IDO2: variants seen among roughly 807,000 people sequenced by gnomAD.
IDO2 encodes indoleamine 2,3-dioxygenase-like 1 protein.
In IDO2, 46 loss-of-function variants were observed where a neutral mutation model predicts 45.1. The observed-to-expected ratio is 1.02, with a 90% CI of 0.80 to 1.30. The LOEUF (loss-of-function observed/expected upper bound fraction) is 1.30, where lower values mean the gene tolerates loss of function less well. Ranked by LOEUF, IDO2 falls within the 50% of genes most tolerant of loss-of-function variation. The pLI is 0.00. For missense variants in IDO2, 544 were observed against 491.8 expected (o/e 1.11, Z -1.00); for synonymous variants, 218 against 184.9 (o/e 1.18, Z -1.45).
chr8:39,958,689 G>A (rs575653313), intron 2 of IDO2, among the ~76,000 whole-genome samples: 155 of 152,290 alleles, frequency 1.0e-3, no homozygotes, highest in African/African-American at 3.5e-3. Flanking sequence ...GACCTCAAGT[G>A]ATCTGCCCAT....
intron 7 of IDO2, among the ~76,000 whole-genome samples, chr8:39,989,183 C>A (rs1344232754): frequency 6.6e-6 from 1 of 152,026 alleles, no homozygotes; most frequent in Non-Finnish European, 1.5e-5. Flanking sequence ...GGGGGAGCTG[C>A]CAAACACTTT....
At chr8:39,972,536 G>A (rs1369816169) in intron 3 of IDO2, among the ~76,000 whole-genome samples, 1 of 149,714 alleles carries the variant, frequency 6.7e-6, no homozygotes, top group Non-Finnish European at 1.5e-5. Flanking sequence ...CTTTAACCTG[G>A]GAGGCAGAGG....
chr8:40,011,926 A>G (rs1802315647), intron 9 of IDO2, among the ~76,000 whole-genome samples: 1 of 152,084 alleles, frequency 6.6e-6, no homozygotes, highest in African/African-American at 2.4e-5. Context: ...TCCTCTTCCC[A>G]CCATTCCCCT....
intron 2 of IDO2, among the ~76,000 whole-genome samples, chr8:39,960,338 G>C: frequency 6.6e-6 from 1 of 152,094 alleles, no homozygotes; most frequent in African/African-American, 2.4e-5. Context: ...TTCTACTGCT[G>C]CAAGGACAGA....
At chr8:39,978,580 G>C (rs994675012) in intron 3 of IDO2, among the ~76,000 whole-genome samples, 10 of 152,116 alleles carry the variant, frequency 6.6e-5, no homozygotes, top group African/African-American at 2.4e-4. Flanking sequence ...CCCAGGCAGC[G>C]TCAGGGGTTG....
chr8:39,961,214 C>T (rs1357196433), intron 2 of IDO2, among the ~76,000 whole-genome samples: 2 of 148,042 alleles, frequency 1.4e-5, no homozygotes, highest in Non-Finnish European at 3.0e-5. Context: ...CTAATCTAGG[C>T]TTCTCCTTTC....
At chr8:39,956,735 C>G (rs1407536808) in intron 2 of IDO2, among the ~76,000 whole-genome samples, 1 of 150,176 alleles carries the variant, frequency 6.7e-6, no homozygotes. Context: ...TTTAACTACA[C>G]TTTTTAAATC....
rs1465626795 is a variant in IDO2, at chr8:39,979,194, C to T, written c.315+8C>T. 1.0e-5 allele frequency: 16 copies of T among 1,572,584 alleles called. No homozygotes were observed. The East Asian group carries it at 3.3e-4, about 32-fold the overall frequency. ...GAGGCGCAGCCTGCAGAGGTGAGGGCCAGAGAGCAGCTTCTCCTGTTACCC... is the reference window on the plus strand; with the variant it reads ...GAGGCGCAGCCTGCAGAGGTGAGGGTCAGAGAGCAGCTTCTCCTGTTACCC... On this transcript the variant is annotated splice_region_variant and intron_variant, in intron 4 of 10. Coordinates refer to ENST00000502986, the Ensembl canonical transcript of IDO2.
intron 3 of IDO2, among the ~76,000 whole-genome samples, chr8:39,971,000 G>A (rs7005841): frequency 0.013 from 2,008 of 152,050 alleles, 39 homozygotes; most frequent in African/African-American, 0.042. Flanking sequence ...CTCTGACCTC[G>A]TGATCCACCC....
intron 9 of IDO2, among the ~76,000 whole-genome samples, chr8:40,011,282 A>T (rs1802307132): frequency 6.6e-6 from 1 of 152,228 alleles, no homozygotes; most frequent in South Asian, 2.1e-4. Context: ...TGAGCAGTCC[A>T]CGGACTGACC....
At chr8:40,011,148 C>A (rs112938507) in intron 9 of IDO2, among the ~76,000 whole-genome samples, 1 of 152,098 alleles carries the variant, frequency 6.6e-6, no homozygotes, top group Admixed American at 6.5e-5. Flanking sequence ...TGACCTCAAT[C>A]GATCTCCCCG....
At chr8:39,973,582 A>G (rs1808212308) in intron 3 of IDO2, among the ~76,000 whole-genome samples, 1 of 152,146 alleles carries the variant, frequency 6.6e-6, no homozygotes. Flanking sequence ...AAATATTATA[A>G]TAGCATTCTA....
At chr8:39,938,686 A>G (rs907986364) in intron 1 of IDO2, among the ~76,000 whole-genome samples, 1 of 152,212 alleles carries the variant, frequency 6.6e-6, no homozygotes, top group African/African-American at 2.4e-5. Flanking sequence ...TGCAAAAGAC[A>G]TATGTGATAA....
At chr8:39,974,420 C>G (rs1808227967) in intron 3 of IDO2, among the ~76,000 whole-genome samples, 1 of 152,154 alleles carries the variant, frequency 6.6e-6, no homozygotes, top group South Asian at 2.1e-4. Flanking sequence ...ACTTAAATGT[C>G]AAAATCAAAA....
At chr8:39,960,969 G>A (rs898214899) in intron 2 of IDO2, among the ~76,000 whole-genome samples, 1 of 152,202 alleles carries the variant, frequency 6.6e-6, no homozygotes, top group South Asian at 2.1e-4. Flanking sequence ...ATTTTTAGTA[G>A]AGACGGGGTT....
rs775234474 is a variant in IDO2, at chr8:39,979,101, AC to A, written c.232del (p.Arg78GlyfsTer10). 12 of 1,599,426 alleles carry A rather than the reference AC, an allele frequency of 7.5e-6. No homozygotes were observed. In the Admixed American group the frequency reaches 2.1e-4, roughly 28 times the overall value. On this transcript the variant is annotated frameshift_variant, in exon 4 of 11. Transcript: ENST00000502986. LOFTEE classifies it high-confidence loss of function. ...CTGAGCTGCCAGTTCCTGAAGGGTC[AC>A]CGGGAGCAGCGCCTGGCCCACCTGG...
intron 1 of IDO2, among the ~76,000 whole-genome samples, chr8:39,940,533 G>C (rs1237838663): frequency 6.6e-6 from 1 of 152,150 alleles, no homozygotes; most frequent in Non-Finnish European, 1.5e-5. Context: ...AAATGTTCAT[G>C]GAAGTATTAG....
intron 2 of IDO2, among the ~76,000 whole-genome samples, chr8:39,951,605 T>TAAG (rs1405071378): frequency 6.6e-6 from 1 of 152,206 alleles, no homozygotes; most frequent in Non-Finnish European, 1.5e-5. Flanking sequence ...ACTAGATTGC[T>TAAG]ATGGAGAATG....
chr8:39,943,652 G>C (rs6983463), intron 1 of IDO2, among the ~76,000 whole-genome samples: 3 of 150,010 alleles, frequency 2.0e-5, no homozygotes, highest in Admixed American at 6.6e-5. Flanking sequence ...CAGGAGAATG[G>C]CGTGAACCCC....
Sources: allele counts gnomAD v4.1 joint callset (sites outside exome capture counted in the v4.1 genomes callset), GRCh38; gene constraint gnomAD v4.1.1; transcripts MANE v1.5; gene names NCBI Gene and HGNC (gene_info 2026-07-23, HGNC 2026-07-21).